The following MACROD2 variants were observed in gnomAD, a reference collection of about 807,000 sequenced individuals.
The protein encoded by MACROD2 is ADP-ribose glycohydrolase MACROD2.
MACROD2 carries 36 observed loss-of-function variants against 70.4 expected under a neutral mutation model. That is an observed-to-expected ratio of 0.51 (90% CI 0.39 to 0.68). MACROD2 has a LOEUF of 0.68. Among genes scored for constraint, MACROD2 ranks in the 30% least tolerant of loss-of-function variants. The pLI is 0.00. For missense variants in MACROD2, 496 were observed against 538.4 expected, an observed-to-expected ratio of 0.92 and a Z score of 0.78; for synonymous variants, 172 against 178.8, an observed-to-expected ratio of 0.96 and a Z score of 0.30.
intron 4 of MACROD2, among the ~76,000 whole-genome samples, chr20:14,673,204 G>A (rs1343222894): frequency 6.6e-6 from 1 of 152,192 alleles, no homozygotes; most frequent in African/African-American, 2.4e-5. Flanking sequence ...AGGAGCGTGA[G>A]AGCAAGGCTT....
chr20:15,923,106 G>A lies in MACROD2; in HGVS notation c.776-10170G>A, dbSNP rs543231405. Among the ~76,000 whole-genome samples, 10 of 152,150 alleles carry A rather than the reference G, an allele frequency of 6.6e-5. 1 individual carries two copies. The highest frequency in any genetic ancestry group is 2.6e-4 in the Admixed American group (4 of 15,292). On this transcript the variant is annotated intron_variant, in intron 10 of 17. Transcript: ENST00000684519. ...CACATGTAATTAACAAAAATAAATCGCAGCATACTTTCTACTTTTACCTGT... is the reference window on the plus strand; with the variant it reads ...CACATGTAATTAACAAAAATAAATCACAGCATACTTTCTACTTTTACCTGT...
intron 5 of MACROD2, among the ~76,000 whole-genome samples, chr20:14,739,090 G>A (rs1442622057): frequency 6.6e-6 from 1 of 151,966 alleles, no homozygotes; most frequent in Non-Finnish European, 1.5e-5. Flanking sequence ...ACCATCATAT[G>A]CTGATGGCTG....
intron 15 of MACROD2, among the ~76,000 whole-genome samples, chr20:16,024,588 TG>T (rs1177009013): frequency 6.6e-6 from 1 of 152,024 alleles, no homozygotes; most frequent in Non-Finnish European, 1.5e-5. Flanking sequence ...GGACATTGAC[TG>T]GTAAAGGAGA....
At chr20:15,744,439 T>C (rs1405877724) in intron 8 of MACROD2, among the ~76,000 whole-genome samples, 1 of 152,176 alleles carries the variant, frequency 6.6e-6, no homozygotes, top group East Asian at 1.9e-4. Context: ...GTACTAAGCT[T>C]ACTGCATAAG....
In MACROD2 at chr20:15,440,889, G is replaced by A. The variant is rs8120444; in HGVS notation, c.571+9454G>A. ...TCTAATGATGACTCTTTTCACTGTCGTAAAATCTCTGCTCTGGCAACCTAA... is the reference window on the plus strand; with the variant it reads ...TCTAATGATGACTCTTTTCACTGTCATAAAATCTCTGCTCTGGCAACCTAA... On this transcript the variant is annotated intron_variant, in intron 7 of 17. Transcript: ENST00000684519. 1.5e-4 allele frequency among the ~76,000 whole-genome samples: 23 copies of A among 152,072 alleles called. 1 individual carries two copies. Among genetic ancestry groups the A allele is most frequent in the Admixed American group, 1.2e-3 (19 of 15,274 alleles).
In MACROD2 at chr20:14,004,949, C is replaced by G. The variant is rs552901068; in HGVS notation, c.163+2545C>G. Among the ~76,000 whole-genome samples the G allele has an allele frequency of 4.4e-3, 666 of 152,094 alleles. 4 individuals carry two copies. Among genetic ancestry groups the G allele is most frequent in the African/African-American group, 0.015 (634 of 41,516 alleles). ...GAGGACCATTTTTGCCTAAATATTC[C>G]TGAGTACTTGAATAGTTCTTGAGCT... is the stretch of plus-strand genomic sequence containing the variant. On this transcript the variant is annotated intron_variant, in intron 2 of 17. Coordinates refer to ENST00000684519, the MANE Select transcript of MACROD2 (RefSeq NM_001351661.2).
chr20:15,530,147 C>A (rs969363055), intron 8 of MACROD2, among the ~76,000 whole-genome samples: 31 of 152,162 alleles, frequency 2.0e-4, no homozygotes, highest in Middle Eastern at 3.4e-3. Context: ...CCTTCTTTGG[C>A]CATATGTAGA....
At chr20:15,815,864 T>C (rs2063868363) in intron 8 of MACROD2, among the ~76,000 whole-genome samples, 1 of 152,152 alleles carries the variant, frequency 6.6e-6, no homozygotes, top group South Asian at 2.1e-4. Flanking sequence ...TTCCATGATG[T>C]TGATTATTAG....
chr20:15,710,341 T>G (rs2146914440), intron 8 of MACROD2, among the ~76,000 whole-genome samples: 1 of 152,314 alleles, frequency 6.6e-6, no homozygotes, highest in South Asian at 2.1e-4. Flanking sequence ...GCTCTTTGAC[T>G]TCCTAAAATG....
chr20:16,039,306 G>A (rs1402923711), intron 15 of MACROD2, among the ~76,000 whole-genome samples: 2 of 151,864 alleles, frequency 1.3e-5, no homozygotes, highest in South Asian at 2.1e-4. Flanking sequence ...TTTGTTGTTA[G>A]CAAAGTAAAT....
intron 6 of MACROD2, among the ~76,000 whole-genome samples, chr20:15,426,308 C>T (rs1242392645): frequency 6.6e-6 from 1 of 151,726 alleles, no homozygotes; most frequent in East Asian, 1.9e-4. Context: ...TATAATTTCA[C>T]ATAAGAAAAA....
At chr20:14,553,126 A>C (rs116062590) in intron 4 of MACROD2, among the ~76,000 whole-genome samples, 1 of 151,584 alleles carries the variant, frequency 6.6e-6, no homozygotes, top group Middle Eastern at 3.4e-3. Flanking sequence ...GTTGTACAAA[A>C]TTTTTTTCTT....
At chr20:14,090,407 T>C (rs2054132005) in intron 3 of MACROD2, among the ~76,000 whole-genome samples, 1 of 152,030 alleles carries the variant, frequency 6.6e-6, no homozygotes, top group Non-Finnish European at 1.5e-5. Flanking sequence ...ACCCCGTCTC[T>C]ACTGAAAATA....
intron 5 of MACROD2, among the ~76,000 whole-genome samples, chr20:14,912,476 C>G (rs1295072193): frequency 6.6e-6 from 1 of 152,078 alleles, no homozygotes; most frequent in Non-Finnish European, 1.5e-5. Flanking sequence ...GAAACTTTGT[C>G]AAGTTTCCTG....
At chr20:14,501,015 A>G (rs2084909259) in intron 4 of MACROD2, among the ~76,000 whole-genome samples, 1 of 151,358 alleles carries the variant, frequency 6.6e-6, no homozygotes, top group South Asian at 2.1e-4. Context: ...TAATCTCTTT[A>G]TCTTCAAGTG....
At chr20:14,957,930 G>A (rs1181647940) in intron 5 of MACROD2, among the ~76,000 whole-genome samples, 1 of 151,234 alleles carries the variant, frequency 6.6e-6, no homozygotes, top group Non-Finnish European at 1.5e-5. Context: ...AGTTATATTG[G>A]CTCATCCTTT....
intron 5 of MACROD2, among the ~76,000 whole-genome samples, chr20:14,688,779 T>G (rs2071030936): frequency 1.3e-5 from 2 of 152,204 alleles, no homozygotes; most frequent in African/African-American, 4.8e-5. Context: ...GCAAGATTTG[T>G]CTATCTCAGT....
intron 4 of MACROD2, among the ~76,000 whole-genome samples, chr20:14,632,393 A>G (rs1311288868): frequency 6.6e-6 from 1 of 152,190 alleles, no homozygotes. Context: ...ATAGGTAAAA[A>G]CAAATTTGTA....
intron 5 of MACROD2, among the ~76,000 whole-genome samples, chr20:15,183,953 G>T (rs538550730): frequency 6.6e-6 from 1 of 152,280 alleles, no homozygotes; most frequent in Admixed American, 6.5e-5. Context: ...TCAACTATCT[G>T]CTGGAACTAG....
Sources: gnomAD v4.1 joint callset for allele counts (sites outside exome capture counted in the v4.1 genomes callset) on GRCh38, gnomAD v4.1.1 for gene constraint, MANE v1.5 for transcripts, NCBI Gene and HGNC (gene_info 2026-07-23, HGNC 2026-07-21) for gene names.